KCNIP4: variants seen among roughly 807,000 people sequenced by gnomAD.
KCNIP4 encodes Kv channel-interacting protein 4.
Under a neutral mutation model 34.0 loss-of-function variants are expected in KCNIP4, and 12 were observed. That is an observed-to-expected ratio of 0.35 (90% CI 0.23 to 0.57). The LOEUF (loss-of-function observed/expected upper bound fraction) is 0.57. KCNIP4 is among the 20% of genes least tolerant of loss of function. KCNIP4 has a pLI of 0.83. For synonymous variants in KCNIP4, 124 were observed against 102.2 expected, an observed-to-expected ratio of 1.21 and a Z score of -1.29; for missense variants, 238 against 311.7, an observed-to-expected ratio of 0.76 and a Z score of 1.78.
At chr4:20,911,041 G>C (rs1677271425) in intron 1 of KCNIP4, among the ~76,000 whole-genome samples, 2 of 152,088 alleles carry the variant, frequency 1.3e-5, no homozygotes, top group Non-Finnish European at 2.9e-5. Context: ...GACTCCAGTG[G>C]AATGGATATT....
intron 1 of KCNIP4, among the ~76,000 whole-genome samples, chr4:21,726,833 T>C (rs1000044238): frequency 6.6e-6 from 1 of 152,162 alleles, no homozygotes; most frequent in African/African-American, 2.4e-5. Context: ...GATGGATCAA[T>C]CCTGATTTGT....
intron 4 of KCNIP4, among the ~76,000 whole-genome samples, chr4:20,757,278 T>C (rs1204684422): frequency 1.3e-5 from 2 of 152,180 alleles, no homozygotes; most frequent in African/African-American, 2.4e-5. Flanking sequence ...CATATACTTA[T>C]TTAAAGACCT....
intron 1 of KCNIP4, among the ~76,000 whole-genome samples, chr4:21,224,738 C>A (rs925602826): frequency 1.3e-5 from 2 of 151,716 alleles, no homozygotes; most frequent in African/African-American, 2.4e-5. Flanking sequence ...AGATGCGCAC[C>A]ACCATGCCTG....
intron 1 of KCNIP4, among the ~76,000 whole-genome samples, chr4:21,329,508 T>G (rs1270985487): frequency 6.6e-6 from 1 of 152,184 alleles, no homozygotes; most frequent in East Asian, 1.9e-4. Flanking sequence ...GTTATTTCTT[T>G]CAAGAACTCC....
At chr4:21,123,464 A>G (rs1305856537) in intron 1 of KCNIP4, among the ~76,000 whole-genome samples, 1 of 152,194 alleles carries the variant, frequency 6.6e-6, no homozygotes, top group Non-Finnish European at 1.5e-5. Context: ...TTTTGATTTC[A>G]GAGCCTCTTT....
intron 1 of KCNIP4, among the ~76,000 whole-genome samples, chr4:21,518,477 G>T (rs949301522): frequency 1.3e-5 from 2 of 152,126 alleles, no homozygotes; most frequent in African/African-American, 4.8e-5. Flanking sequence ...GCGGGTGAAG[G>T]TGAGCAGAGG....
chr4:21,589,993 G>A, intron 1 of KCNIP4, among the ~76,000 whole-genome samples: 1 of 151,962 alleles, frequency 6.6e-6, no homozygotes, highest in East Asian at 1.9e-4. Flanking sequence ...AATTTGGAAG[G>A]AGCAACTAGA....
intron 1 of KCNIP4, among the ~76,000 whole-genome samples, chr4:21,596,118 T>C (rs748389383): frequency 6.6e-6 from 1 of 152,142 alleles, no homozygotes; most frequent in Non-Finnish European, 1.5e-5. Context: ...CATTCTCTGT[T>C]TCTTGTTTAA....
Position 20,729,980 on chromosome 4 carries a change from C to T in KCNIP4, c.*102G>A, listed in dbSNP as rs898105205. ...CAAAGCTTGTTTGCATAATATGCTT[C>T]AGTGTCAAGCTGAGCAATCTATGCT... On this transcript the variant is annotated 3_prime_UTR_variant, in exon 9 of 9. Coordinates refer to ENST00000382152, the MANE Select transcript of KCNIP4 (RefSeq NM_025221.6). The T allele has an allele frequency of 7.1e-5, 93 of 1,310,942 alleles. No homozygotes were observed. The highest frequency in any genetic ancestry group is 9.5e-5 in the Non-Finnish European group (93 of 974,756). The allele number at this position is 1,310,942 out of a possible 1,614,324, so 81.2% of individuals were successfully genotyped here.
chr4:21,499,061 A>C (rs1903320), intron 1 of KCNIP4, among the ~76,000 whole-genome samples: 1 of 151,896 alleles, frequency 6.6e-6, no homozygotes, highest in Non-Finnish European at 1.5e-5. Flanking sequence ...GGCTGGGTGC[A>C]GTGGCTTATG....
At chr4:21,669,219 G>A (rs760981544) in intron 1 of KCNIP4, among the ~76,000 whole-genome samples, 6 of 140,704 alleles carry the variant, frequency 4.3e-5, no homozygotes, top group African/African-American at 1.0e-4. Flanking sequence ...TCGACCTCCC[G>A]AGCTCAGGTG....
chr4:21,184,589 G>T (rs968118736), intron 1 of KCNIP4, among the ~76,000 whole-genome samples: 4 of 152,142 alleles, frequency 2.6e-5, no homozygotes, highest in Non-Finnish European at 4.4e-5. Context: ...TGAGGCCAAG[G>T]TGATAGGTTT....
intron 1 of KCNIP4, among the ~76,000 whole-genome samples, chr4:21,416,888 A>G (rs1387318326): frequency 1.3e-5 from 2 of 152,220 alleles, no homozygotes; most frequent in African/African-American, 4.8e-5. Flanking sequence ...TGCTTCCTAG[A>G]CAGTGATGCC....
chr4:21,501,107 C>G (rs1733289102), intron 1 of KCNIP4, among the ~76,000 whole-genome samples: 1 of 151,990 alleles, frequency 6.6e-6, no homozygotes, highest in Non-Finnish European at 1.5e-5. Context: ...CATGAGGCAC[C>G]TCCTCATGTT....
intron 1 of KCNIP4, among the ~76,000 whole-genome samples, chr4:21,409,990 T>G (rs1724342302): frequency 6.6e-6 from 1 of 152,154 alleles, no homozygotes; most frequent in South Asian, 2.1e-4. Context: ...GAACATATTT[T>G]GGGAACGTGA....
chr4:20,969,751 A>G (rs1000692139), intron 1 of KCNIP4, among the ~76,000 whole-genome samples: 2 of 149,750 alleles, frequency 1.3e-5, no homozygotes, highest in African/African-American at 5.0e-5. Context: ...AGTAAACTAT[A>G]TTACACACAT....
chr4:21,644,840 A>G (rs145809448), intron 1 of KCNIP4, among the ~76,000 whole-genome samples: 2 of 152,262 alleles, frequency 1.3e-5, no homozygotes, highest in Non-Finnish European at 2.9e-5. Context: ...ATGATTTATC[A>G]TATGTCTTCA....
intron 1 of KCNIP4, among the ~76,000 whole-genome samples, chr4:21,753,234 GA>G (rs200378946): frequency 6.6e-6 from 1 of 152,004 alleles, no homozygotes; most frequent in Non-Finnish European, 1.5e-5. Context: ...AGGTCTTAGA[GA>G]AAAAAAATGT....
intron 1 of KCNIP4, among the ~76,000 whole-genome samples, chr4:21,472,161 C>T (rs1730523122): frequency 6.6e-6 from 1 of 152,122 alleles, no homozygotes; most frequent in African/African-American, 2.4e-5. Flanking sequence ...CATTCCTAGG[C>T]ATCTTTCCTA....
Sources: allele counts gnomAD v4.1 joint callset (sites outside exome capture counted in the v4.1 genomes callset), GRCh38; gene constraint gnomAD v4.1.1; transcripts MANE v1.5; gene names NCBI Gene and HGNC (gene_info 2026-07-23, HGNC 2026-07-21).